Variants in CDH13 observed in about 807,000 individuals in gnomAD.
CDH13 encodes cadherin-13.
Under a neutral mutation model 63.8 loss-of-function variants are expected in CDH13, and 24 were observed. The observed-to-expected ratio is 0.38, with a 90% CI of 0.27 to 0.53. The LOEUF (loss-of-function observed/expected upper bound fraction) is 0.53. Ranked by LOEUF, CDH13 falls within the 20% of genes least tolerant of loss-of-function variation. The pLI, the probability that CDH13 is intolerant of heterozygous loss-of-function variation, is 0.85. For synonymous variants in CDH13, 503 were observed against 355.3 expected (o/e 1.42, Z -4.67); for missense variants, 1,049 against 903.1 (o/e 1.16, Z -2.07).
chr16:83,793,919 A>T (rs1271485637), intron 13 of CDH13, among the ~76,000 whole-genome samples: 6 of 152,146 alleles, frequency 3.9e-5, no homozygotes, highest in African/African-American at 1.4e-4. Context: ...CAGAGTCCTT[A>T]TAAGAGGGAC....
chr16:82,641,197 C>T (rs942213577), intron 1 of CDH13, among the ~76,000 whole-genome samples: 1 of 152,140 alleles, frequency 6.6e-6, no homozygotes, highest in Non-Finnish European at 1.5e-5. Context: ...ATTCACTCGC[C>T]CTTATCTTCT....
At chr16:83,540,726 T>C (rs1245874159) in intron 7 of CDH13, among the ~76,000 whole-genome samples, 2 of 152,214 alleles carry the variant, frequency 1.3e-5, no homozygotes, top group African/African-American at 4.8e-5. Context: ...TTGTAGTGAC[T>C]GGTCTCAAGT....
intron 2 of CDH13, among the ~76,000 whole-genome samples, chr16:82,917,935 C>T (rs1209144966): frequency 7.6e-6 from 1 of 131,238 alleles, no homozygotes; most frequent in Non-Finnish European, 1.5e-5. Flanking sequence ...AAAAAAAAGG[C>T]ATGTAAAGTA....
At chr16:83,623,163 A>T (rs1354834452) in intron 8 of CDH13, among the ~76,000 whole-genome samples, 1 of 152,154 alleles carries the variant, frequency 6.6e-6, no homozygotes, top group Non-Finnish European at 1.5e-5. Flanking sequence ...GCCCTGAGGC[A>T]TACAAGAGCC....
Position 83,445,749 on chromosome 16 carries a change from T to C in CDH13, c.782-40728T>C, listed in dbSNP as rs187904228. On this transcript the variant is annotated intron_variant, in intron 6 of 13. Coordinates refer to ENST00000567109, the MANE Select transcript of CDH13 (RefSeq NM_001257.5). ...AGATTTCCAGAATTCAGTTAGAAGA[T>C]CTGATAAGCATCTAAAACTTGTCCT... Among the ~76,000 whole-genome samples the C allele has an allele frequency of 3.3e-3, 504 of 152,284 alleles. 6 individuals carry two copies. The highest frequency in any genetic ancestry group is 3.3e-3 in the Non-Finnish European group (226 of 68,026).
At chr16:83,466,017 T>G in intron 6 of CDH13, among the ~76,000 whole-genome samples, 1 of 152,148 alleles carries the variant, frequency 6.6e-6, no homozygotes, top group Non-Finnish European at 1.5e-5. Flanking sequence ...GCAGGTGTCA[T>G]TCAACCTACA....
At chr16:83,387,008 A>G (rs921766687) in intron 6 of CDH13, among the ~76,000 whole-genome samples, 1 of 152,164 alleles carries the variant, frequency 6.6e-6, no homozygotes, top group Non-Finnish European at 1.5e-5. Flanking sequence ...CTTAGCCAGA[A>G]TTGTGTTATA....
intron 5 of CDH13, among the ~76,000 whole-genome samples, chr16:83,315,641 TAAAA>T (rs11420080): frequency 2.7e-5 from 4 of 147,292 alleles, no homozygotes; most frequent in Non-Finnish European, 6.0e-5. Flanking sequence ...ACTCTGGATT[TAAAA>T]AAAAAAAACA....
At chr16:82,835,686 C>G (rs1033782178) in intron 1 of CDH13, among the ~76,000 whole-genome samples, 9 of 152,178 alleles carry the variant, frequency 5.9e-5, no homozygotes, top group African/African-American at 2.2e-4. Context: ...GGCCTCCCTG[C>G]TCCTGTTCTC....
At chr16:82,975,852 G>T (rs1292600907) in intron 2 of CDH13, among the ~76,000 whole-genome samples, 1 of 152,060 alleles carries the variant, frequency 6.6e-6, no homozygotes, top group Admixed American at 6.6e-5. Flanking sequence ...TGAAAAATGG[G>T]GGTTTCCTTT....
chr16:82,687,590 C>G (rs1915207490), intron 1 of CDH13, among the ~76,000 whole-genome samples: 1 of 152,116 alleles, frequency 6.6e-6, no homozygotes, highest in Non-Finnish European at 1.5e-5. Context: ...TGTCGTGAGA[C>G]TTATTCACTA....
intron 6 of CDH13, among the ~76,000 whole-genome samples, chr16:83,354,260 G>C (rs2091012685): frequency 6.6e-6 from 1 of 152,228 alleles, no homozygotes; most frequent in Non-Finnish European, 1.5e-5. Flanking sequence ...GAATAGCCCA[G>C]CAATTTTTAG....
At chr16:82,902,419 A>G (rs2041502210) in intron 2 of CDH13, among the ~76,000 whole-genome samples, 1 of 150,486 alleles carries the variant, frequency 6.6e-6, no homozygotes, top group Non-Finnish European at 1.5e-5. Context: ...GCATTAGTTG[A>G]GGATCATTTT....
intron 6 of CDH13, among the ~76,000 whole-genome samples, chr16:83,377,006 A>G (rs2091471825): frequency 6.6e-6 from 1 of 152,166 alleles, no homozygotes; most frequent in Non-Finnish European, 1.5e-5. Context: ...CTGTATGAAC[A>G]GAGAGGTCAA....
chr16:82,732,197 CTTT>C (rs2033438956), intron 1 of CDH13, among the ~76,000 whole-genome samples: 1 of 152,144 alleles, frequency 6.6e-6, no homozygotes, highest in Non-Finnish European at 1.5e-5. Context: ...GGTCCATCTT[CTTT>C]ATCATCGTGT....
intron 1 of CDH13, among the ~76,000 whole-genome samples, chr16:82,733,179 A>G (rs2033489775): frequency 6.6e-6 from 1 of 152,198 alleles, no homozygotes; most frequent in Non-Finnish European, 1.5e-5. Flanking sequence ...GTGTCCTCAC[A>G]TTGGCTGGCT....
chr16:82,822,721 C>A (rs976877110), intron 1 of CDH13, among the ~76,000 whole-genome samples: 10 of 152,224 alleles, frequency 6.6e-5, no homozygotes, highest in African/African-American at 2.4e-4. Context: ...TCTTGAACTT[C>A]TGGGCTCAAG....
rs541771458 is a variant in CDH13, at chr16:83,354,809, A to G, written c.781+9803A>G. On this transcript the variant is annotated intron_variant, in intron 6 of 13. Transcript: ENST00000567109. Reference sequence around the variant, plus strand: ...CGTTCTGAGCATGAGTCAACAAACTATGGGCCATGGGCCAAATGTGTCTCT... The same window carrying G: ...CGTTCTGAGCATGAGTCAACAAACTGTGGGCCATGGGCCAAATGTGTCTCT... 3.9e-5 allele frequency among the ~76,000 whole-genome samples: 6 copies of G among 152,336 alleles called. No individual in the cohort carries two copies. The South Asian group carries it at 8.3e-4, about 21-fold the overall frequency.
intron 7 of CDH13, among the ~76,000 whole-genome samples, chr16:83,556,736 G>C (rs78025350): frequency 1.3e-5 from 2 of 152,138 alleles, no homozygotes; most frequent in Non-Finnish European, 2.9e-5. Context: ...GCCTGGCTTC[G>C]ATAACTTACC....
Sources: allele counts gnomAD v4.1 joint callset (sites outside exome capture counted in the v4.1 genomes callset), GRCh38; gene constraint gnomAD v4.1.1; transcripts MANE v1.5; gene names NCBI Gene and HGNC (gene_info 2026-07-23, HGNC 2026-07-21).